CNTN1: variants seen among roughly 807,000 people sequenced by gnomAD.
The protein encoded by CNTN1 is contactin-1.
A neutral mutation model predicts 126.4 loss-of-function variants in CNTN1; 38 were observed. That is an observed-to-expected ratio of 0.30 (90% confidence interval 0.23 to 0.39). The LOEUF (loss-of-function observed/expected upper bound fraction) is 0.39. Among genes scored for constraint, CNTN1 ranks in the 10% least tolerant of loss-of-function variants. CNTN1 has a pLI of 1.00. For missense variants in CNTN1, 1,009 were observed against 1,248.4 expected (o/e 0.81, Z 2.89); for synonymous variants, 413 against 422.6 (o/e 0.98, Z 0.28).
chr12:41,028,080 G>A lies in CNTN1; in HGVS notation c.2823+111G>A, dbSNP rs185608290. On this transcript the variant is annotated intron_variant, in intron 22 of 23. Transcript: ENST00000551295. Reference sequence around the variant, plus strand: ...GGAATTTTGCTCTGTCACCCAGACCGGAGTGCAGTGGTACAATCTTGGCTC... The same window carrying A: ...GGAATTTTGCTCTGTCACCCAGACCAGAGTGCAGTGGTACAATCTTGGCTC... 133 of 731,932 alleles carry A rather than the reference G, an allele frequency of 1.8e-4. No individual in the cohort carries two copies. In the African/African-American group the frequency reaches 2.0e-3, roughly 11 times the overall value. The allele number at this position is 731,932 out of a possible 1,614,324, so 45.3% of individuals were successfully genotyped here. A position where few individuals can be genotyped will look rare whatever the true frequency, so the allele number is the denominator to read the frequency against.
At chr12:40,819,087 A>G (rs1592122287) in intron 1 of CNTN1, among the ~76,000 whole-genome samples, 1 of 152,038 alleles carries the variant, frequency 6.6e-6, no homozygotes, top group South Asian at 2.1e-4. Context: ...CTTGAGGGGG[A>G]CTAAGCTGAT....
Position 40,987,482 on chromosome 12 carries a change from C to T in CNTN1, c.1964-5638C>T, listed in dbSNP as rs712137. Reference sequence around the variant, plus strand: ...TTTGATTCTATGCTGTTGTTTTCAGCGGACAAATGATAGAATATTGTTAGT... The same window carrying T: ...TTTGATTCTATGCTGTTGTTTTCAGTGGACAAATGATAGAATATTGTTAGT... On this transcript the variant is annotated intron_variant, in intron 16 of 23. Transcript: ENST00000551295. Among the ~76,000 whole-genome samples, 7 of 151,896 alleles carry T rather than the reference C, an allele frequency of 4.6e-5. No homozygotes were observed. The South Asian group carries it at 8.3e-4, about 18-fold the overall frequency.
At position 40,734,328 on chromosome 12, in the gene CNTN1, A is replaced by G. The variant is rs562502333; in HGVS notation, c.-77+41736A>G. Among the ~76,000 whole-genome samples, 3 of 152,290 alleles carry G rather than the reference A, an allele frequency of 2.0e-5. No individual in the cohort carries two copies. The East Asian group carries it at 5.8e-4, about 29-fold the overall frequency. ...ATGTTGACTTGAGGGTTCCACATTT[A>G]TAATTATATGAAAACAGCCTATTTA... On this transcript the variant is annotated intron_variant, in intron 1 of 23. Transcript: ENST00000551295.
intron 1 of CNTN1, among the ~76,000 whole-genome samples, chr12:40,783,758 C>A (rs1010331372): frequency 3.7e-4 from 57 of 152,254 alleles, no homozygotes; most frequent in Admixed American, 1.6e-3. Flanking sequence ...AGAAGGGAAA[C>A]TCTTCTTATG....
chr12:40,797,575 T>C (rs1420661861), intron 1 of CNTN1, among the ~76,000 whole-genome samples: 1 of 152,056 alleles, frequency 6.6e-6, no homozygotes, highest in Admixed American at 6.6e-5. Context: ...CATAGCATCA[T>C]ATGTATAATA....
At chr12:41,007,045 G>GT (rs71078294) in intron 17 of CNTN1, among the ~76,000 whole-genome samples, 1,485 of 69,260 alleles carry the variant, frequency 0.021, 165 homozygotes, top group African/African-American at 0.033. Context: ...GTTTTGTGTG[G>GT]TTTTTTTTTT....
intron 1 of CNTN1, among the ~76,000 whole-genome samples, chr12:40,886,617 G>C (rs140053625): frequency 1.1e-3 from 164 of 152,246 alleles, no homozygotes; most frequent in African/African-American, 3.7e-3. Flanking sequence ...ATTGCTTTTG[G>C]TGTTTTAGAC....
chr12:40,887,082 TAGTTTTTTCCAATTCTGTGAAG>T (rs1944063824), intron 1 of CNTN1, among the ~76,000 whole-genome samples: 1 of 152,108 alleles, frequency 6.6e-6, no homozygotes, highest in Non-Finnish European at 1.5e-5. Flanking sequence ...AACTTTAAAG[TAGTTTTTTCCAATTCTGTGAAG>T]AAAGTCATTG....
chr12:40,959,216 G>T lies in CNTN1; in HGVS notation c.1786G>T (p.Ala596Ser), dbSNP rs752400547. The change falls in exon 15 of 24, where the codon GCT becomes TCT. Residue 596 changes from alanine to serine, a missense_variant. Ala to Ser is a moderately conservative substitution (Grantham distance 99). Transcript: ENST00000551295. The stretch of plus-strand genomic sequence containing the variant: ...AATTGTGGACAATTCTTCAGCTTCA[G>T]CTGACCTTGTAGTGAGAGGTAAGAG... ...QTIVDNSSAS[A>S]DLVVRGPPGP... The T allele has an allele frequency of 3.1e-6, 5 of 1,612,654 alleles. No individual in the cohort carries two copies. The South Asian group carries it at 5.5e-5, about 18-fold the overall frequency.
chr12:41,002,554 C>CTTTTTTTTT lies in CNTN1; in HGVS notation c.2113+9288_2113+9289insTTTTTTTTT, dbSNP rs200237008. ...CTTTTGGGCTGAGACTATAGGGTTTCTTTCTTTTTTTTTTTTTTTTTGAGA... is the reference window on the plus strand; with the variant it reads ...CTTTTGGGCTGAGACTATAGGGTTTCTTTTTTTTTTTTCTTTTTTTTTTTTTTTTTGAGA... On this transcript the variant is annotated intron_variant, in intron 17 of 23. Transcript: ENST00000551295. Among the ~76,000 whole-genome samples the CTTTTTTTTT allele has an allele frequency of 1.5e-5, 2 of 131,514 alleles. 1 individual carries two copies. The allele number at this position is 131,514 out of a possible 152,430, so 86.3% of individuals were successfully genotyped here.
At chr12:40,988,575 T>TAATCA (rs1948023074) in intron 16 of CNTN1, among the ~76,000 whole-genome samples, 1 of 152,154 alleles carries the variant, frequency 6.6e-6, no homozygotes, top group Non-Finnish European at 1.5e-5. Flanking sequence ...GGTCTTATGA[T>TAATCA]ACCCATGAGG....
intron 23 of CNTN1, among the ~76,000 whole-genome samples, chr12:41,034,069 A>T (rs900141975): frequency 1.3e-5 from 2 of 152,030 alleles, no homozygotes; most frequent in African/African-American, 4.8e-5. Flanking sequence ...AAAATAAAAA[A>T]ATAATGATGT....
At chr12:40,952,654 T>A (rs549527866) in intron 14 of CNTN1, among the ~76,000 whole-genome samples, 46 of 152,140 alleles carry the variant, frequency 3.0e-4, no homozygotes, top group African/African-American at 9.6e-4. Flanking sequence ...TTATTAAGAG[T>A]AAGTCAGTTC....
intron 23 of CNTN1, among the ~76,000 whole-genome samples, chr12:41,065,099 G>C (rs901436762): frequency 1.3e-5 from 2 of 151,780 alleles, no homozygotes; most frequent in African/African-American, 4.8e-5. Context: ...TCTGTCGCCC[G>C]GGCTGGAGTG....
chr12:40,751,858 G>A (rs1048909312), intron 1 of CNTN1, among the ~76,000 whole-genome samples: 1 of 152,040 alleles, frequency 6.6e-6, no homozygotes. Context: ...GGTCTCTAAA[G>A]AGCCTCATAA....
chr12:40,958,391 G>A (rs1237222062), intron 14 of CNTN1, among the ~76,000 whole-genome samples: 2 of 150,922 alleles, frequency 1.3e-5, no homozygotes. Context: ...ATGTATGTAT[G>A]TATGTATATA....
chr12:41,004,647 G>C (rs1245721319), intron 17 of CNTN1, among the ~76,000 whole-genome samples: 1 of 152,168 alleles, frequency 6.6e-6, no homozygotes, highest in Admixed American at 6.5e-5. Context: ...ATTTATTATA[G>C]TTAGATTTTC....
At chr12:40,961,615 G>C (rs1166896294) in intron 15 of CNTN1, among the ~76,000 whole-genome samples, 1 of 151,850 alleles carries the variant, frequency 6.6e-6, no homozygotes, top group Non-Finnish European at 1.5e-5. Flanking sequence ...CTACGTGTAT[G>C]TACATTTTCC....
At chr12:41,055,875 C>T (rs752459955) in intron 23 of CNTN1, among the ~76,000 whole-genome samples, 2 of 152,134 alleles carry the variant, frequency 1.3e-5, no homozygotes, top group Non-Finnish European at 2.9e-5. Context: ...ATTACAGCCA[C>T]GGATTTGCTC....
Sources: allele counts gnomAD v4.1 joint callset (sites outside exome capture counted in the v4.1 genomes callset), GRCh38; gene constraint gnomAD v4.1.1; transcripts MANE v1.5; gene names NCBI Gene and HGNC (gene_info 2026-07-23, HGNC 2026-07-21).